STAC2: variants seen among roughly 807,000 people sequenced by gnomAD.
STAC2 encodes SH3 and cysteine-rich domain-containing protein 2.
A neutral mutation model predicts 49.0 loss-of-function variants in STAC2; 36 were observed. The observed-to-expected ratio is 0.74, with a 90% confidence interval of 0.56 to 0.97. The LOEUF (loss-of-function observed/expected upper bound fraction) is 0.97. STAC2 is among the 50% of genes least tolerant of loss of function. The probability of loss-of-function intolerance (pLI) is 0.00; values close to 1 mark genes in which losing one functional copy is unlikely to be tolerated. For synonymous variants in STAC2, 239 were observed against 214.7 expected, an observed-to-expected ratio of 1.11 and a Z score of -0.99; for missense variants, 527 against 543.8, an observed-to-expected ratio of 0.97 and a Z score of 0.31.
At chr17:39,218,996 C>T (rs1016893378) in intron 1 of STAC2, among the ~76,000 whole-genome samples, 3 of 152,118 alleles carry the variant, frequency 2.0e-5, no homozygotes, top group African/African-American at 7.2e-5. Context: ...ATTGACTCGT[C>T]ACCTCACAGC....
chr17:39,219,884 G>T (rs955049606), intron 1 of STAC2, among the ~76,000 whole-genome samples: 1 of 152,232 alleles, frequency 6.6e-6, no homozygotes, highest in African/African-American at 2.4e-5. Flanking sequence ...ACTTGGCCAG[G>T]GTTCCCAGCT....
At chr17:39,213,665 G>GTTTT in intron 8 of STAC2, 107 bp from the exon 9 acceptor site, 2 of 699,968 alleles carry the variant, frequency 2.9e-6, no homozygotes, top group Non-Finnish European at 4.7e-6. Flanking sequence ...AGCTGGGAGA[G>GTTTT]ACGATTCTTT....
In STAC2 at chr17:39,212,350, C is replaced by T. The variant is rs145558909; in HGVS notation, c.1178G>A (p.Arg393His). 37 of 1,612,254 alleles carry T rather than the reference C, an allele frequency of 2.3e-5. No homozygotes were observed. Among genetic ancestry groups the T allele is most frequent in the East Asian group, 4.5e-5 (2 of 44,862 alleles). The change falls in exon 11 of 11, where the codon CGC becomes CAC. Residue 393 changes from arginine (R) to histidine (H), a missense_variant. Coordinates refer to ENST00000333461, the MANE Select transcript of STAC2 (RefSeq NM_198993.5). ...GCCCCGCTTCTTGCCACTGCTGACG[C>T]GGATGAAGCCGTCAGCATCCTTGCT... is the stretch of plus-strand genomic sequence containing the variant. Reference protein sequence around the residue: ...GRSKDADGFIRVSSGKKRGLV... With the variant: ...GRSKDADGFIHVSSGKKRGLV...
chr17:39,224,669 T>C (rs1419855465), intron 1 of STAC2, among the ~76,000 whole-genome samples: 1 of 152,168 alleles, frequency 6.6e-6, no homozygotes, highest in African/African-American at 2.4e-5. Context: ...GACTTCTCTT[T>C]TTGCTTCTAC....
Position 39,210,991 on chromosome 17 carries a change from TC to T in STAC2, c.*1300del, listed in dbSNP as rs2046349640. 1 of 152,538 alleles carries T rather than the reference TC, an allele frequency of 6.6e-6. No individual in the cohort carries two copies. Among genetic ancestry groups the T allele is most frequent in the Admixed American group, 6.5e-5 (1 of 15,278 alleles). The allele number at this position is 152,538 out of a possible 1,614,324, so 9.4% of individuals were successfully genotyped here. ...CCCCTCTTTTTCCCAGGGCTCTGTGTCCAGAACAAGGGAGCAGATAAAGCCA... is the reference window on the plus strand; with the variant it reads ...CCCCTCTTTTTCCCAGGGCTCTGTGTCAGAACAAGGGAGCAGATAAAGCCA... On this transcript the variant is annotated 3_prime_UTR_variant, in exon 11 of 11. Transcript: ENST00000333461.
intron 2 of STAC2, 117 bp from the exon 3 acceptor site, chr17:39,217,290 C>T (rs2046414276): frequency 3.3e-6 from 3 of 898,278 alleles, no homozygotes; most frequent in Admixed American, 4.1e-5. Context: ...GCCTTGAGGC[C>T]CAGCACCTAC....
At chr17:39,217,817 G>T in intron 2 of STAC2, 50 bp downstream of exon 2, 1 of 1,549,868 alleles carries the variant, frequency 6.5e-7, no homozygotes, top group Non-Finnish European at 8.7e-7. Context: ...CCACTCCCCA[G>T]TACCCACGCT....
intron 4 of STAC2, 129 bp downstream of exon 4, chr17:39,216,681 C>T (rs149227646): frequency 7.5e-5 from 63 of 835,744 alleles, no homozygotes; most frequent in Middle Eastern, 7.2e-4. Flanking sequence ...TGGCTCACTG[C>T]AACCTCCGCC....
chr17:39,217,664 A>C (rs2046417723), intron 2 of STAC2, among the ~76,000 whole-genome samples: 2 of 152,092 alleles, frequency 1.3e-5, no homozygotes, highest in South Asian at 4.1e-4. Context: ...TGGAGGTTGC[A>C]GTGAACCAAG....
chr17:39,222,827 T>C (rs2046475179), intron 1 of STAC2, among the ~76,000 whole-genome samples: 1 of 152,060 alleles, frequency 6.6e-6, no homozygotes, highest in African/African-American at 2.4e-5. Context: ...CCTCCCCATA[T>C]CCTGGACGGC....
At chr17:39,215,791 C>T (rs916951794) in intron 4 of STAC2, among the ~76,000 whole-genome samples, 7 of 152,186 alleles carry the variant, frequency 4.6e-5, no homozygotes. Flanking sequence ...GCAACCTCCG[C>T]CTCCTGGGTT....
intron 1 of STAC2, among the ~76,000 whole-genome samples, chr17:39,220,478 T>C (rs945973246): frequency 2.5e-5 from 3 of 122,216 alleles, no homozygotes; most frequent in Admixed American, 1.7e-4. Flanking sequence ...GAAGCCTAGA[T>C]ACTCTTTTTT....
Position 39,225,516 on chromosome 17 carries a change from G to C in STAC2, c.-14C>G. On this transcript the variant is annotated 5_prime_UTR_variant, in exon 1 of 11. Coordinates refer to ENST00000333461, the MANE Select transcript of STAC2 (RefSeq NM_198993.5). The surrounding 1 kb of genome is among the most constrained non-coding windows in gnomAD (Gnocchi z 8.2). ...CATCTCGGTCATGGTTCGGGGAGAG[G>C]GGAGGAGAGGGTGCCGAGATCCGAC... 1 of 1,609,128 alleles carries C rather than the reference G, an allele frequency of 6.2e-7. No individual in the cohort carries two copies. The highest frequency in any genetic ancestry group is 8.5e-7 in the Non-Finnish European group (1 of 1,178,412).
intron 9 of STAC2, 52 bp downstream of exon 9, chr17:39,213,455 G>A: frequency 2.5e-6 from 4 of 1,605,574 alleles, no homozygotes; most frequent in South Asian, 2.2e-5. Context: ...TGGGGGTGGG[G>A]GCTGCTGGGG....
At chr17:39,218,966 C>T (rs1030155051) in intron 1 of STAC2, among the ~76,000 whole-genome samples, 1 of 152,064 alleles carries the variant, frequency 6.6e-6, no homozygotes. Context: ...GAAAGTCTCT[C>T]TAGCCCTCCC....
chr17:39,215,377 C>A (rs748425939), intron 4 of STAC2, 147 bp from the exon 5 acceptor site: 10 of 782,524 alleles, frequency 1.3e-5, no homozygotes, highest in African/African-American at 1.7e-5. Flanking sequence ...GCTCTGGGTC[C>A]TCCCATGGTG....
Position 39,213,098 on chromosome 17 carries a change from G to T in STAC2, c.1028C>A (p.Ala343Asp). 1 of 1,612,216 alleles carries T rather than the reference G, an allele frequency of 6.2e-7. No homozygotes were observed. ...KIGDRVGFFPANFVQRVRPGE... is the reference protein window; with the variant it reads ...KIGDRVGFFPDNFVQRVRPGE... ...TGGCCTCACCCGTTGCACAAAATTA[G>T]CTGGGAAGAAGCCAACCCGGTCGCC... Residue 343 changes from alanine to aspartate, a missense_variant, in exon 10 of 11, where the codon GCT becomes GAT. Physicochemically the swap from Ala to Asp is moderately radical, Grantham distance 126. Coordinates refer to ENST00000333461, the MANE Select transcript of STAC2 (RefSeq NM_198993.5).
In STAC2 at chr17:39,212,373, G is replaced by C; in HGVS notation, c.1155C>G (p.Ser385Arg). ...ENQICVGVGR[S>R]KDADGFIRVS... ...CGCGGATGAAGCCGTCAGCATCCTT[G>C]CTTCTGCCCACGCCCACGCAGATCT... Residue 385 changes from serine to arginine, a missense_variant, in exon 11 of 11, where the codon AGC becomes AGG. Transcript: ENST00000333461. 1 of 1,611,212 alleles carries C rather than the reference G, an allele frequency of 6.2e-7. No homozygotes were observed. Among genetic ancestry groups the C allele is most frequent in the Non-Finnish European group, 8.5e-7 (1 of 1,178,590 alleles).
chr17:39,212,111 C>G lies in STAC2; in HGVS notation c.*181G>C, dbSNP rs886839738. 3.5e-5 allele frequency: 15 copies of G among 426,680 alleles called. No homozygotes were observed. The East Asian group carries it at 6.7e-4, about 19-fold the overall frequency. 26.4% of individuals were successfully genotyped at this position (426,680 alleles called of 1,614,324 possible). ...CCAGAGGATCAACCCACTCAGGGCA[C>G]CCCACCCAAGAAATAAAATCTTCCC... On this transcript the variant is annotated 3_prime_UTR_variant, in exon 11 of 11. Transcript: ENST00000333461.
Sources: gnomAD v4.1 joint callset for allele counts (sites outside exome capture counted in the v4.1 genomes callset) on GRCh38, gnomAD v4.1.1 for gene constraint, Gnocchi (gnomAD v3.1) non-coding constraint, MANE v1.5 for transcripts, NCBI Gene and HGNC (gene_info 2026-07-23, HGNC 2026-07-21) for gene names.